Variants in ZBTB20 observed in about 807,000 individuals in gnomAD.
ZBTB20 encodes the protein zinc finger and BTB domain containing 20, also known as zinc finger and BTB domain-containing protein 20.
A neutral mutation model predicts 56.9 loss-of-function variants in ZBTB20; 9 were observed. The ratio of observed to expected loss-of-function variants is 0.16; its 90% CI spans 0.10 to 0.28. ZBTB20 has a LOEUF of 0.28. Among genes scored for constraint, ZBTB20 ranks in the 10% least tolerant of loss-of-function variants. ZBTB20 has a pLI of 1.00. For synonymous variants in ZBTB20, 417 were observed against 420.7 expected, an observed-to-expected ratio of 0.99 and a Z score of 0.11; for missense variants, 655 against 1,003.0, an observed-to-expected ratio of 0.65 and a Z score of 4.69.
chr3:114,441,871 G>T (rs2090953955), intron 7 of ZBTB20, among the ~76,000 whole-genome samples: 1 of 151,918 alleles, frequency 6.6e-6, no homozygotes, highest in Admixed American at 6.6e-5. Context: ...GTTGATGGTA[G>T]CTCAAAAAAT....
intron 2 of ZBTB20, among the ~76,000 whole-genome samples, chr3:115,070,881 C>A (rs2082385850): frequency 6.6e-6 from 1 of 151,568 alleles, no homozygotes; most frequent in African/African-American, 2.4e-5. Context: ...TAGAGAAAAC[C>A]ATCACCTCTT....
chr3:114,818,535 T>A (rs1484612895), intron 4 of ZBTB20, among the ~76,000 whole-genome samples: 4 of 152,048 alleles, frequency 2.6e-5, no homozygotes, highest in African/African-American at 9.7e-5. Context: ...ATGAATTAAT[T>A]TGAGTTGAAA....
intron 6 of ZBTB20, among the ~76,000 whole-genome samples, chr3:114,573,517 GAAAC>G (rs1433386693): frequency 2.6e-5 from 3 of 113,610 alleles, no homozygotes; most frequent in Non-Finnish European, 5.7e-5. Context: ...AGAAAAGAAA[GAAAC>G]AGAGAGAGAG....
At chr3:115,005,714 T>C (rs989612592) in intron 2 of ZBTB20, among the ~76,000 whole-genome samples, 2 of 151,808 alleles carry the variant, frequency 1.3e-5, no homozygotes, top group African/African-American at 4.8e-5. Context: ...TACTGCTGCC[T>C]TCTTAGTTGA....
intron 7 of ZBTB20, among the ~76,000 whole-genome samples, chr3:114,426,503 T>A (rs2089686809): frequency 6.6e-6 from 1 of 152,122 alleles, no homozygotes; most frequent in South Asian, 2.1e-4. Context: ...GCCCCCTCCC[T>A]GTAGGTCTGC....
chr3:114,435,173 C>T (rs542241162), intron 7 of ZBTB20, among the ~76,000 whole-genome samples: 1 of 152,148 alleles, frequency 6.6e-6, no homozygotes, highest in East Asian at 1.9e-4. Context: ...GAGTATCCAG[C>T]AGCATTTCCT....
At chr3:114,800,954 T>A (rs527674329) in intron 5 of ZBTB20, 147 bp downstream of exon 5, 14 of 152,170 alleles carry the variant, frequency 9.2e-5, no homozygotes, top group African/African-American at 3.4e-4. Context: ...CAACTTTTTT[T>A]TTTTAAGAAG....
intron 5 of ZBTB20, among the ~76,000 whole-genome samples, chr3:114,736,481 A>C (rs886881536): frequency 1.3e-4 from 20 of 151,892 alleles, no homozygotes; most frequent in African/African-American, 4.8e-4. Flanking sequence ...CAATCTCTTC[A>C]TTTCTGCCTC....
chr3:114,332,058 G>GTTTTTTTT lies in ZBTB20; in HGVS notation c.*6939_*6946dup, dbSNP rs71146316. 4 of 85,400 alleles carry GTTTTTTTT rather than the reference G, an allele frequency of 4.7e-5. No homozygotes were observed. The highest frequency in any genetic ancestry group is 3.2e-4 in the East Asian group (1 of 3,098). 5.3% of individuals were successfully genotyped at this position (85,400 alleles called of 1,614,324 possible). ...ACTAGTAGAAACAGATGCCCCCAAG[G>GTTTTTTTT]TTTTTTTTTTTTTTTTTTTTTTTTT... On this transcript the variant is annotated 3_prime_UTR_variant, in exon 12 of 12. Transcript: ENST00000675478.
chr3:114,932,328 C>T (rs184342561), intron 3 of ZBTB20, among the ~76,000 whole-genome samples: 1 of 152,244 alleles, frequency 6.6e-6, no homozygotes, highest in African/African-American at 2.4e-5. Context: ...TGTCCACAGG[C>T]TGATCAACAA....
intron 6 of ZBTB20, among the ~76,000 whole-genome samples, chr3:114,661,874 CT>C (rs1195090287): frequency 6.6e-6 from 1 of 151,728 alleles, no homozygotes; most frequent in Admixed American, 6.6e-5. Context: ...TCTACATTAA[CT>C]TTATCTCTGA....
intron 6 of ZBTB20, among the ~76,000 whole-genome samples, chr3:114,527,956 A>G (rs1366453135): frequency 6.6e-6 from 1 of 151,624 alleles, no homozygotes; most frequent in Non-Finnish European, 1.5e-5. Context: ...TCTTGGACCA[A>G]TTATTCTGAA....
intron 6 of ZBTB20, among the ~76,000 whole-genome samples, chr3:114,515,888 C>T (rs963550504): frequency 6.6e-6 from 1 of 152,144 alleles, no homozygotes; most frequent in African/African-American, 2.4e-5. Flanking sequence ...AACAACAAAC[C>T]ATCTTTTGCA....
rs562414421 is a variant in ZBTB20, at chr3:114,769,469, G to A, written c.-343+31632C>T. The stretch of plus-strand genomic sequence containing the variant: ...ATGCATATGTATCTATTTGCACCTG[G>A]TAAATAGATAATATACTTTCAAATA... On this transcript the variant is annotated intron_variant, in intron 5 of 11. Coordinates refer to ENST00000675478, the MANE Select transcript of ZBTB20 (RefSeq NM_001348800.3). Among the ~76,000 whole-genome samples, 4 of 146,482 alleles carry A rather than the reference G, an allele frequency of 2.7e-5. No individual in the cohort carries two copies. The South Asian group carries it at 6.4e-4, about 23-fold the overall frequency.
At chr3:114,903,668 T>C (rs1320735844) in intron 3 of ZBTB20, among the ~76,000 whole-genome samples, 1 of 152,054 alleles carries the variant, frequency 6.6e-6, no homozygotes, top group Non-Finnish European at 1.5e-5. Flanking sequence ...CGAACTTCTC[T>C]GGGTGAAAAA....
At position 114,941,316 on chromosome 3, in the gene ZBTB20, A is replaced by AT. The variant is rs35535768; in HGVS notation, c.-456+33049dup. ...CTAACATAAATGTTTTACAAGTCCCATTTTGTGAAAGAGAAAATTAGAGTA... is the reference window on the plus strand; with the variant it reads ...CTAACATAAATGTTTTACAAGTCCCATTTTTGTGAAAGAGAAAATTAGAGTA... On this transcript the variant is annotated intron_variant, in intron 3 of 11. Coordinates refer to ENST00000675478, the MANE Select transcript of ZBTB20 (RefSeq NM_001348800.3). Among the ~76,000 whole-genome samples, 30 of 146,434 alleles carry AT rather than the reference A, an allele frequency of 2.0e-4. 3 individuals carry two copies. Among genetic ancestry groups the AT allele is most frequent in the African/African-American group, 7.7e-4 (28 of 36,150 alleles).
chr3:115,008,598 C>T (rs1310707258), intron 2 of ZBTB20, among the ~76,000 whole-genome samples: 1 of 151,730 alleles, frequency 6.6e-6, no homozygotes, highest in Admixed American at 6.6e-5. Flanking sequence ...AAAAACAGTC[C>T]TAGAGAGGAA....
chr3:114,736,601 C>A lies in ZBTB20; in HGVS notation c.-342-43026G>T, dbSNP rs562599863. Among the ~76,000 whole-genome samples the A allele has an allele frequency of 2.0e-5, 3 of 152,152 alleles. No homozygotes were observed. In the South Asian group the frequency reaches 6.2e-4, roughly 32 times the overall value. On this transcript the variant is annotated intron_variant, in intron 5 of 11. Transcript: ENST00000675478. ...ACTCAGTGGTTTAAAAAGTAAAATT[C>A]AAGTAAGGACTAAACATAAGAGAAT...
At chr3:114,521,187 T>A (rs186082233) in intron 6 of ZBTB20, among the ~76,000 whole-genome samples, 55 of 152,294 alleles carry the variant, frequency 3.6e-4, no homozygotes, top group African/African-American at 1.3e-3. Context: ...AGGGTGAGAT[T>A]ACTAGACAAA....
Sources: allele counts gnomAD v4.1 joint callset (sites outside exome capture counted in the v4.1 genomes callset), GRCh38; gene constraint gnomAD v4.1.1; transcripts MANE v1.5; gene names NCBI Gene and HGNC (gene_info 2026-07-23, HGNC 2026-07-21).